Variants in PRMT8 observed in about 807,000 individuals in gnomAD.
The protein encoded by PRMT8 is protein arginine methyltransferase 8.
In PRMT8, 7 loss-of-function variants were observed where a neutral mutation model predicts 47.1. The ratio of observed to expected loss-of-function variants is 0.15; its 90% CI spans 0.08 to 0.28. PRMT8 has a LOEUF of 0.28. Among genes scored for constraint, PRMT8 ranks in the 10% least tolerant of loss-of-function variants. PRMT8 has a pLI of 1.00. For synonymous variants in PRMT8, 188 were observed against 186.5 expected (o/e 1.01, Z -0.07); for missense variants, 237 against 505.4 (o/e 0.47, Z 5.09).
At chr12:3,542,859 G>C (rs1382164155) in intron 2 of PRMT8, among the ~76,000 whole-genome samples, 7 of 152,204 alleles carry the variant, frequency 4.6e-5, no homozygotes, top group Admixed American at 4.6e-4. Context: ...CCTACAGCTT[G>C]GCACATTGTC....
At position 3,583,871 on chromosome 12, in the gene PRMT8, C is replaced by T. The variant is rs1397378018; in HGVS notation, c.979+663C>T. 1.3e-5 allele frequency among the ~76,000 whole-genome samples: 2 copies of T among 152,236 alleles called. No homozygotes were observed. Among genetic ancestry groups the T allele is most frequent in the African/African-American group, 4.8e-5 (2 of 41,458 alleles). ...GCCGAGCCCTGTCCCGTCGCTGCTA[C>T]CCCACAGGTGGCCCAGCTACACCGA... On this transcript the variant is annotated intron_variant, in intron 8 of 9. Coordinates refer to ENST00000382622, the MANE Select transcript of PRMT8 (RefSeq NM_019854.5). This position sits in a 1 kb window ranked among gnomAD's most constrained non-coding sequence, Gnocchi z 4.7.
intron 3 of PRMT8, 31 bp from the exon 4 acceptor site, chr12:3,553,620 G>T (rs865927898): frequency 6.4e-7 from 1 of 1,552,466 alleles, no homozygotes; most frequent in Non-Finnish European, 8.9e-7. Flanking sequence ...TTTTTTTGAC[G>T]CCTTGCTCCT....
intron 1 of PRMT8, among the ~76,000 whole-genome samples, chr12:3,474,535 C>G (rs1865190871): frequency 6.6e-6 from 1 of 152,112 alleles, no homozygotes; most frequent in Admixed American, 6.5e-5. Flanking sequence ...CTTGTCCTCC[C>G]CAGAGAAGCT....
intron 4 of PRMT8, among the ~76,000 whole-genome samples, chr12:3,567,252 G>A (rs1866736673): frequency 6.6e-6 from 1 of 152,196 alleles, no homozygotes; most frequent in South Asian, 2.1e-4. Context: ...AATTGATATT[G>A]CTTTTCATGG....
intron 1 of PRMT8, among the ~76,000 whole-genome samples, chr12:3,485,119 G>A (rs148919388): frequency 3.9e-3 from 590 of 152,150 alleles, no homozygotes; most frequent in Non-Finnish European, 6.4e-3. Flanking sequence ...TCGGATCACA[G>A]TACTTCTTGG....
chr12:3,404,429 A>G (rs1411615886), intron 1 of PRMT8, among the ~76,000 whole-genome samples: 6 of 152,230 alleles, frequency 3.9e-5, no homozygotes, highest in Admixed American at 2.0e-4. Flanking sequence ...TAATGGCTCA[A>G]TGAGTTATCG....
At chr12:3,510,297 A>G (rs1160255931) in intron 1 of PRMT8, among the ~76,000 whole-genome samples, 1 of 152,146 alleles carries the variant, frequency 6.6e-6, no homozygotes, top group East Asian at 1.9e-4. Context: ...GGTCCGACAC[A>G]ACCATGAACT....
intron 1 of PRMT8, among the ~76,000 whole-genome samples, chr12:3,481,557 C>A (rs1257047087): frequency 6.6e-6 from 1 of 152,160 alleles, no homozygotes; most frequent in Non-Finnish European, 1.5e-5. Flanking sequence ...GATGCAGCAG[C>A]CCTGGCATAG....
chr12:3,387,097 C>A (rs1229079268), intron 1 of PRMT8, among the ~76,000 whole-genome samples: 1 of 152,082 alleles, frequency 6.6e-6, no homozygotes, highest in Non-Finnish European at 1.5e-5. Context: ...TTTTTGCATC[C>A]CAAGTGCCTG....
At chr12:3,447,953 G>T (rs186673896) in intron 1 of PRMT8, among the ~76,000 whole-genome samples, 11 of 152,252 alleles carry the variant, frequency 7.2e-5, no homozygotes, top group Admixed American at 7.2e-4. Context: ...CTCTATGGTC[G>T]ATTGTCTACA....
In PRMT8 at chr12:3,492,358, C is replaced by CA. The variant is rs1346381216; in HGVS notation, c.75+659dup. 1.3e-5 allele frequency among the ~76,000 whole-genome samples: 2 copies of CA among 152,074 alleles called. No individual in the cohort carries two copies. The highest frequency in any genetic ancestry group is 2.9e-5 in the Non-Finnish European group (2 of 67,988). On this transcript the variant is annotated intron_variant, in intron 1 of 9. Transcript: ENST00000382622. The surrounding 1 kb of genome is among the most constrained non-coding windows in gnomAD (Gnocchi z 7.5). ...CTGGGTAGCTAAACCCGGCAGGGCA[C>CA]ACGGGCCGCGGCCACCTTCAGCACC...
chr12:3,591,254 T>C (rs1011784391), intron 8 of PRMT8, among the ~76,000 whole-genome samples: 2 of 152,046 alleles, frequency 1.3e-5, no homozygotes, highest in Non-Finnish European at 2.9e-5. Flanking sequence ...ACAGGATGAA[T>C]GAGCTGTGGG....
intron 1 of PRMT8, among the ~76,000 whole-genome samples, chr12:3,483,582 G>A (rs1184736323): frequency 6.6e-6 from 1 of 152,160 alleles, no homozygotes; most frequent in African/African-American, 2.4e-5. Context: ...AGTAGATTGT[G>A]TCTGGTAAGA....
intron 1 of PRMT8, among the ~76,000 whole-genome samples, chr12:3,498,279 TC>T (rs1291301079): frequency 6.6e-6 from 1 of 152,196 alleles, no homozygotes; most frequent in Non-Finnish European, 1.5e-5. Context: ...GGTTTTCTAA[TC>T]ACCAAAATGC....
At position 3,491,322 on chromosome 12, in the gene PRMT8, G is replaced by A. The variant is rs1257409506; in HGVS notation, c.-304G>A. ...CCGCCGCCGCCGCCGCGGAGGCTTCGGGGCTGCTTCCCTCGAGCTTAGCCC... is the reference window on the plus strand; with the variant it reads ...CCGCCGCCGCCGCCGCGGAGGCTTCAGGGCTGCTTCCCTCGAGCTTAGCCC... On this transcript the variant is annotated 5_prime_UTR_variant, in exon 1 of 10. Transcript: ENST00000382622. 9.2e-6 allele frequency: 10 copies of A among 1,085,092 alleles called. No homozygotes were observed. Among genetic ancestry groups the A allele is most frequent in the Non-Finnish European group, 1.1e-5 (10 of 894,072 alleles). The allele number at this position is 1,085,092 out of a possible 1,614,324, so 67.2% of individuals were successfully genotyped here.
At chr12:3,423,864 T>G (rs957716118) in intron 1 of PRMT8, among the ~76,000 whole-genome samples, 5 of 152,210 alleles carry the variant, frequency 3.3e-5, no homozygotes, top group African/African-American at 1.2e-4. Flanking sequence ...ATTCTTTTCC[T>G]TCTCTAGCTA....
chr12:3,546,340 AAGC>A lies in PRMT8; in HGVS notation c.262-3593_262-3591del, dbSNP rs575021591. On this transcript the variant is annotated intron_variant, in intron 2 of 9. Coordinates refer to ENST00000382622, the MANE Select transcript of PRMT8 (RefSeq NM_019854.5). ...TGAAGAAAGGAAATAATTAAGATGA[AAGC>A]AGAAGTCAATGAAATAGAAACCAAG... is the stretch of plus-strand genomic sequence containing the variant. Among the ~76,000 whole-genome samples the A allele has an allele frequency of 6.6e-5, 10 of 152,356 alleles. No homozygotes were observed. The East Asian group carries it at 1.9e-3, about 29-fold the overall frequency.
At chr12:3,460,238 G>A (rs1455713851) in intron 1 of PRMT8, among the ~76,000 whole-genome samples, 1 of 152,182 alleles carries the variant, frequency 6.6e-6, no homozygotes, top group Non-Finnish European at 1.5e-5. Flanking sequence ...TTACTTCTCG[G>A]ACCACAGGCC....
intron 1 of PRMT8, among the ~76,000 whole-genome samples, chr12:3,400,751 A>G (rs1430918234): frequency 6.6e-6 from 1 of 152,222 alleles, no homozygotes; most frequent in African/African-American, 2.4e-5. Context: ...TCAGTGCAAA[A>G]ATCCTCAATA....
Sources: allele counts gnomAD v4.1 joint callset (sites outside exome capture counted in the v4.1 genomes callset), GRCh38; gene constraint gnomAD v4.1.1; non-coding constraint Gnocchi (gnomAD v3.1); transcripts MANE v1.5; gene names NCBI Gene and HGNC (gene_info 2026-07-23, HGNC 2026-07-21).